The following NCOR2 variants were observed in gnomAD, a reference collection of about 807,000 sequenced individuals.
NCOR2 encodes the protein nuclear receptor corepressor 2, also known as CTG repeat protein 26.
In NCOR2, 81 loss-of-function variants were observed where a neutral mutation model predicts 262.9. The ratio of observed to expected loss-of-function variants is 0.31; its 90% CI spans 0.26 to 0.37. The LOEUF is 0.37. Ranked by LOEUF, NCOR2 falls within the 10% of genes least tolerant of loss-of-function variation. NCOR2 has a pLI of 1.00. For synonymous variants in NCOR2, 1,659 were observed against 1,559.3 expected (o/e 1.06, Z -1.51); for missense variants, 3,385 against 3,621.4 (o/e 0.93, Z 1.68).
intron 1 of NCOR2, among the ~76,000 whole-genome samples, chr12:124,494,316 C>A (rs542552685): frequency 2.0e-5 from 3 of 152,306 alleles, no homozygotes; most frequent in Admixed American, 6.5e-5. Flanking sequence ...CCTCACTCAG[C>A]AGCCAGGAGG....
chr12:124,333,100 C>CGGGGGCAGCGCAT (rs772292972), intron 42 of NCOR2, 30 bp downstream of exon 44: 2 of 1,569,638 alleles, frequency 1.3e-6, no homozygotes, highest in African/African-American at 2.7e-5. Context: ...CAGAGCATCC[C>CGGGGGCAGCGCAT]GGGGGCAGCG....
At chr12:124,459,870 A>T (rs766255692) in intron 5 of NCOR2, among the ~76,000 whole-genome samples, 1 of 151,770 alleles carries the variant, frequency 6.6e-6, no homozygotes, top group Non-Finnish European at 1.5e-5. Flanking sequence ...CAGGACCTTG[A>T]CCTCTGCTGG....
At chr12:124,533,035 ATCCCACTCCTCCTCCCCCACCCCAG>A (rs2050923482) in intron 1 of NCOR2, among the ~76,000 whole-genome samples, 1 of 87,006 alleles carries the variant, frequency 1.1e-5, no homozygotes, top group Non-Finnish European at 2.3e-5. Flanking sequence ...CTCCCTCCAA[ATCCCACTCCTCCTCCCCCACCCCAG>A]TCCCACTCCT....
chr12:124,422,695 G>GT (rs1425901482), intron 11 of NCOR2, 140 bp from the exon 14 acceptor site: 2 of 913,760 alleles, frequency 2.2e-6, no homozygotes, highest in African/African-American at 3.3e-5. Flanking sequence ...TAAGCCCAGG[G>GT]GGGTGTGGGA....
intron 1 of NCOR2, among the ~76,000 whole-genome samples, chr12:124,522,340 G>T (rs969866810): frequency 1.3e-5 from 2 of 152,148 alleles, no homozygotes; most frequent in Non-Finnish European, 2.9e-5. Flanking sequence ...TGAAACCAGC[G>T]ACCTATCCTC....
At chr12:124,546,962 G>A (rs979221627) in intron 1 of NCOR2, among the ~76,000 whole-genome samples, 1 of 152,034 alleles carries the variant, frequency 6.6e-6, no homozygotes, top group Non-Finnish European at 1.5e-5. Context: ...CTAGCATACC[G>A]TTAACATTGT....
At chr12:124,557,917 GGGCGACATCCCCTGCA>G (rs1233465146) in intron 1 of NCOR2, among the ~76,000 whole-genome samples, 1 of 152,108 alleles carries the variant, frequency 6.6e-6, no homozygotes, top group Non-Finnish European at 1.5e-5. Context: ...AGGCTCCAGA[GGGCGACATCCCCTGCA>G]GGCCCCCATG....
exon 8 of NCOR2, chr12:124,437,952 C>T (rs760018486): frequency 3.7e-6 from 6 of 1,612,432 alleles, no homozygotes; most frequent in Non-Finnish European, 5.1e-6. Flanking sequence ...AGCGTGATTC[C>T]TCCTCTTGAA....
At chr12:124,428,126 A>G (rs1034951697) in intron 10 of NCOR2, among the ~76,000 whole-genome samples, 4 of 139,416 alleles carry the variant, frequency 2.9e-5, no homozygotes, top group Admixed American at 7.6e-5. Flanking sequence ...ACCCTTGGCC[A>G]TCAGGTGAGG....
intron 1 of NCOR2, among the ~76,000 whole-genome samples, chr12:124,512,061 G>A (rs1335106359): frequency 6.6e-6 from 1 of 152,122 alleles, no homozygotes; most frequent in East Asian, 1.9e-4. Context: ...CAGGCAAGCC[G>A]CCACCACATC....
At chr12:124,413,291 CAG>C (rs2042687025) in intron 13 of NCOR2, among the ~76,000 whole-genome samples, 1 of 152,244 alleles carries the variant, frequency 6.6e-6, no homozygotes, top group South Asian at 2.1e-4. Flanking sequence ...AGCGTGGAAT[CAG>C]GGCAGTCTGG....
intron 37 of NCOR2, among the ~76,000 whole-genome samples, chr12:124,339,765 C>T (rs1393059813): frequency 7.1e-6 from 1 of 140,002 alleles, no homozygotes; most frequent in Non-Finnish European, 1.6e-5. Flanking sequence ...ACCCGACCAC[C>T]CCCCCATCCA....
At chr12:124,493,141 G>A (rs1194485340) in intron 1 of NCOR2, among the ~76,000 whole-genome samples, 2 of 152,256 alleles carry the variant, frequency 1.3e-5, no homozygotes, top group African/African-American at 4.8e-5. Flanking sequence ...AATGGGAGGT[G>A]TCTAGGGTCA....
At chr12:124,502,615 A>T (rs1393079059) in intron 1 of NCOR2, among the ~76,000 whole-genome samples, 1 of 151,968 alleles carries the variant, frequency 6.6e-6, no homozygotes, top group East Asian at 1.9e-4. Flanking sequence ...CTGGATGGGG[A>T]GAGTGGGGTG....
At chr12:124,565,298 G>T (rs2052200070) in intron 1 of NCOR2, among the ~76,000 whole-genome samples, 1 of 152,148 alleles carries the variant, frequency 6.6e-6, no homozygotes, top group Admixed American at 6.5e-5. Flanking sequence ...GCACCCGCTG[G>T]CGGTGGCAGC....
At chr12:124,407,425 T>G (rs995585143) in intron 13 of NCOR2, among the ~76,000 whole-genome samples, 2 of 152,218 alleles carry the variant, frequency 1.3e-5, no homozygotes, top group Non-Finnish European at 2.9e-5. Context: ...AGTGGCACTT[T>G]GGGGCATGGC....
intron 13 of NCOR2, among the ~76,000 whole-genome samples, chr12:124,408,691 G>T (rs1170070358): frequency 6.6e-6 from 1 of 152,162 alleles, no homozygotes; most frequent in Non-Finnish European, 1.5e-5. Flanking sequence ...CAAGGCTGCA[G>T]CGAGCTTCAA....
chr12:124,455,921 G>A (rs898660149), intron 6 of NCOR2, among the ~76,000 whole-genome samples: 4 of 152,200 alleles, frequency 2.6e-5, no homozygotes, highest in African/African-American at 9.7e-5. Context: ...TACTGCCCAG[G>A]CTGGAGTGCA....
In NCOR2 at chr12:124,436,859, G is replaced by T. The variant is rs535466668; in HGVS notation, c.882+1071C>A. 3.3e-5 allele frequency among the ~76,000 whole-genome samples: 5 copies of T among 152,300 alleles called. No homozygotes were observed. In the South Asian group the frequency reaches 1.0e-3, roughly 32 times the overall value. ...TCCCAGCGCTTTGGGAGGCCGAGGC[G>T]GGTGCATCACCTGAGGTCGGGAGTT... On this transcript the variant is annotated intron_variant, in intron 8 of 46. Transcript: ENST00000405201.
Sources: gnomAD v4.1 joint callset for allele counts (sites outside exome capture counted in the v4.1 genomes callset) on GRCh38, gnomAD v4.1.1 for gene constraint, MANE v1.5 for transcripts, NCBI Gene and HGNC (gene_info 2026-07-23, HGNC 2026-07-21) for gene names.